ADCY8: variants seen among roughly 807,000 people sequenced by gnomAD.
The protein encoded by ADCY8 is adenylate cyclase 8, also known as adenylate cyclase type 8.
In ADCY8, 51 loss-of-function variants were observed where a neutral mutation model predicts 119.7. The ratio of observed to expected loss-of-function variants is 0.43; its 90% CI spans 0.34 to 0.54. The LOEUF is 0.54. Ranked by LOEUF, ADCY8 falls within the 20% of genes least tolerant of loss-of-function variation. The pLI is 0.03. For missense variants in ADCY8, 1,383 were observed against 1,598.8 expected, an observed-to-expected ratio of 0.87 and a Z score of 2.30; for synonymous variants, 665 against 651.0, an observed-to-expected ratio of 1.02 and a Z score of -0.33.
At chr8:130,783,839 T>C in intron 16 of ADCY8, 34 bp from the exon 17 acceptor site, 1 of 1,538,010 alleles carries the variant, frequency 6.5e-7, no homozygotes, top group South Asian at 1.1e-5. Context: ...AATCATTTAA[T>C]GCGGAATGTG....
At chr8:131,007,706 C>A (rs1033744931) in intron 1 of ADCY8, among the ~76,000 whole-genome samples, 14 of 152,146 alleles carry the variant, frequency 9.2e-5, no homozygotes, top group African/African-American at 1.9e-4. Flanking sequence ...ATTTCTAATC[C>A]TGTGATAGGG....
At chr8:130,848,535 G>A (rs1200868993) in intron 10 of ADCY8, among the ~76,000 whole-genome samples, 2 of 152,154 alleles carry the variant, frequency 1.3e-5, no homozygotes, top group Admixed American at 6.5e-5. Context: ...GGTAATTACT[G>A]GGCCAAATTG....
At chr8:130,983,898 G>A (rs1822315898) in intron 2 of ADCY8, among the ~76,000 whole-genome samples, 1 of 152,182 alleles carries the variant, frequency 6.6e-6, no homozygotes, top group Non-Finnish European at 1.5e-5. Context: ...TTTATTATTG[G>A]CAAATGAATG....
chr8:130,869,667 G>C (rs1382315966), intron 8 of ADCY8, among the ~76,000 whole-genome samples: 2 of 151,332 alleles, frequency 1.3e-5, no homozygotes, highest in African/African-American at 4.9e-5. Flanking sequence ...ACAGGCGCCT[G>C]CCACCACGCC....
At chr8:130,950,293 T>C (rs1821231999) in intron 3 of ADCY8, among the ~76,000 whole-genome samples, 1 of 152,232 alleles carries the variant, frequency 6.6e-6, no homozygotes, top group South Asian at 2.1e-4. Context: ...AGAAAATGAC[T>C]GGGCTCAGCC....
intron 6 of ADCY8, 87 bp downstream of exon 6, chr8:130,909,621 C>T: frequency 1.3e-6 from 2 of 1,504,626 alleles, no homozygotes; most frequent in South Asian, 1.2e-5. Context: ...TAGATCTAAC[C>T]CTGAATTTCT....
intron 1 of ADCY8, chr8:130,990,795 G>A (rs1822554126): frequency 3.4e-6 from 1 of 296,358 alleles, no homozygotes; most frequent in Non-Finnish European, 6.1e-6. Context: ...GTCTTCATGG[G>A]AAACCTGCTG....
At chr8:130,821,484 G>A in intron 12 of ADCY8, 64 bp from the exon 13 acceptor site, 1 of 1,300,426 alleles carries the variant, frequency 7.7e-7, no homozygotes. Context: ...TGAGAAAACT[G>A]AGGTTCAGAA....
intron 1 of ADCY8, among the ~76,000 whole-genome samples, chr8:131,016,768 T>C (rs1048706663): frequency 1.3e-5 from 2 of 152,030 alleles, no homozygotes; most frequent in African/African-American, 4.8e-5. Context: ...TTTGGACCAT[T>C]GTAGGGACAC....
At chr8:131,012,605 T>C (rs150216630) in intron 1 of ADCY8, among the ~76,000 whole-genome samples, 366 of 152,288 alleles carry the variant, frequency 2.4e-3, no homozygotes, top group African/African-American at 8.5e-3. Context: ...CCTCCTAGGA[T>C]TGCTTCTGGC....
At chr8:130,947,554 C>T (rs990105290) in intron 3 of ADCY8, among the ~76,000 whole-genome samples, 3 of 152,240 alleles carry the variant, frequency 2.0e-5, no homozygotes, top group African/African-American at 4.8e-5. Context: ...TTTGCTTGTT[C>T]GTGAAACTCT....
intron 15 of ADCY8, among the ~76,000 whole-genome samples, chr8:130,793,654 A>T (rs1260635205): frequency 6.6e-6 from 1 of 152,074 alleles, no homozygotes; most frequent in African/African-American, 2.4e-5. Context: ...TTTCAGTGTC[A>T]CTCTTGTCAA....
chr8:131,038,239 A>G (rs1008087749), intron 1 of ADCY8, among the ~76,000 whole-genome samples: 1 of 152,180 alleles, frequency 6.6e-6, no homozygotes, highest in African/African-American at 2.4e-5. Context: ...TCATCTATTC[A>G]AATTCGACCA....
intron 3 of ADCY8, among the ~76,000 whole-genome samples, chr8:130,946,641 A>G (rs1180585715): frequency 1.3e-5 from 2 of 152,182 alleles, no homozygotes; most frequent in Non-Finnish European, 1.5e-5. Flanking sequence ...TGCTCCATCT[A>G]TTAGCTGAAG....
chr8:130,921,444 C>CCTTTTTTTTTTTTT (rs1563729431), intron 5 of ADCY8, among the ~76,000 whole-genome samples: 4 of 132,564 alleles, frequency 3.0e-5, no homozygotes, highest in African/African-American at 2.8e-5. Context: ...TTTTCTTTTT[C>CCTTTTTTTTTTTTT]TTTTCTTTTT....
At chr8:130,971,583 A>C (rs888341168) in intron 2 of ADCY8, among the ~76,000 whole-genome samples, 14 of 152,200 alleles carry the variant, frequency 9.2e-5, no homozygotes. Flanking sequence ...ACTCTTACAG[A>C]GCTTCAGGCA....
intron 5 of ADCY8, among the ~76,000 whole-genome samples, chr8:130,911,165 A>G (rs1240817343): frequency 6.6e-6 from 1 of 152,224 alleles, no homozygotes; most frequent in East Asian, 1.9e-4. Context: ...CTTAAGAATG[A>G]GCAAGAAAGT....
chr8:130,909,941 T>TTTC, intron 5 of ADCY8, 75 bp from the exon 6 acceptor site: 1 of 401,238 alleles, frequency 2.5e-6, no homozygotes, highest in Non-Finnish European at 3.3e-6. Flanking sequence ...CTTTCTTTTC[T>TTTC]TTTTTTTTTT....
chr8:130,982,993 T>A (rs961582909), intron 2 of ADCY8, among the ~76,000 whole-genome samples: 2 of 152,214 alleles, frequency 1.3e-5, no homozygotes, highest in African/African-American at 4.8e-5. Flanking sequence ...CCAGTGTCTT[T>A]CTGCTCTGCT....
Sources: gnomAD v4.1 joint callset for allele counts (sites outside exome capture counted in the v4.1 genomes callset) on GRCh38, gnomAD v4.1.1 for gene constraint, MANE v1.5 for transcripts, NCBI Gene and HGNC (gene_info 2026-07-23, HGNC 2026-07-21) for gene names.